Variants in GPR158 observed in about 807,000 individuals in gnomAD.
GPR158 encodes metabotropic glycine receptor.
A neutral mutation model predicts 78.2 loss-of-function variants in GPR158; 30 were observed. The observed-to-expected ratio is 0.38, with a 90% CI of 0.29 to 0.52. The LOEUF (loss-of-function observed/expected upper bound fraction) is 0.52, where lower values mean the gene tolerates loss of function less well. Among genes scored for constraint, GPR158 ranks in the 20% least tolerant of loss-of-function variants. GPR158 has a pLI of 0.83. For synonymous variants in GPR158, 581 were observed against 591.1 expected (o/e 0.98, Z 0.25); for missense variants, 1,463 against 1,523.5 (o/e 0.96, Z 0.66).
chr10:25,598,327 A>G lies in GPR158; in HGVS notation c.2701A>G (p.Lys901Glu). ...TGHPRTSMLQ[K>E]SLSVIASAKE... Reference sequence around the variant, plus strand: ...GCACCCACGAACATCGATGTTACAGAAGTCTCTCAGTGTCATAGCAAGCGC... The same window carrying G: ...GCACCCACGAACATCGATGTTACAGGAGTCTCTCAGTGTCATAGCAAGCGC... Residue 901 changes from lysine (K) to glutamate (E), a missense_variant, in exon 11 of 11, where the codon AAG (lysine) becomes GAG (glutamate). Lys to Glu is a moderately conservative substitution (Grantham distance 56). Coordinates refer to ENST00000376351, the MANE Select transcript of GPR158 (RefSeq NM_020752.3). The G allele has an allele frequency of 1.9e-6, 3 of 1,614,094 alleles. No individual in the cohort carries two copies. Among genetic ancestry groups the G allele is most frequent in the Non-Finnish European group, 2.5e-6 (3 of 1,180,008 alleles).
chr10:25,453,726 A>G (rs894705267), intron 4 of GPR158, among the ~76,000 whole-genome samples: 1 of 152,210 alleles, frequency 6.6e-6, no homozygotes, highest in African/African-American at 2.4e-5. Flanking sequence ...TTTATCAAAA[A>G]TCAATTGACC....
intron 2 of GPR158, among the ~76,000 whole-genome samples, chr10:25,316,236 G>C (rs1264275244): frequency 5.9e-5 from 9 of 152,072 alleles, no homozygotes; most frequent in Admixed American, 5.9e-4. Context: ...AATTTACCCA[G>C]GTATCTGGTA....
At chr10:25,335,073 G>A (rs1465037751) in intron 2 of GPR158, among the ~76,000 whole-genome samples, 1 of 151,982 alleles carries the variant, frequency 6.6e-6, no homozygotes, top group Non-Finnish European at 1.5e-5. Flanking sequence ...GCTACTGGGA[G>A]ACCCCATGTG....
chr10:25,318,542 G>A lies in GPR158; in HGVS notation c.1009-77369G>A, dbSNP rs117601311. Among the ~76,000 whole-genome samples the A allele has an allele frequency of 5.2e-3, 784 of 151,878 alleles. 5 individuals carry two copies. The highest frequency in any genetic ancestry group is 7.6e-3 in the Non-Finnish European group (516 of 67,960). ...TGGCTTCTTGTCTTTCAAGGCTTAG[G>A]GCAGGGTGTTAGAAACAAATCTACT... On this transcript the variant is annotated intron_variant, in intron 2 of 10. Coordinates refer to ENST00000376351, the MANE Select transcript of GPR158 (RefSeq NM_020752.3).
chr10:25,421,387 T>G (rs532153902), intron 4 of GPR158, among the ~76,000 whole-genome samples: 1 of 152,320 alleles, frequency 6.6e-6, no homozygotes, highest in Non-Finnish European at 1.5e-5. Flanking sequence ...GGAAGTATGG[T>G]ATAATATGTG....
At chr10:25,523,157 G>C (rs564131864) in intron 5 of GPR158, among the ~76,000 whole-genome samples, 2 of 152,176 alleles carry the variant, frequency 1.3e-5, no homozygotes, top group Non-Finnish European at 2.9e-5. Context: ...ATGGCACCAT[G>C]CACAAGGGTC....
At chr10:25,554,668 C>T (rs934669169) in intron 6 of GPR158, among the ~76,000 whole-genome samples, 2 of 152,044 alleles carry the variant, frequency 1.3e-5, no homozygotes, top group Non-Finnish European at 2.9e-5. Context: ...GTCATATGGC[C>T]AAAGACTACT....
At chr10:25,425,423 A>G (rs895488103) in intron 4 of GPR158, among the ~76,000 whole-genome samples, 3 of 152,050 alleles carry the variant, frequency 2.0e-5, no homozygotes, top group Non-Finnish European at 4.4e-5. Context: ...TTCCCTGATA[A>G]TTAGTGATGT....
At chr10:25,276,396 T>G (rs946774616) in intron 2 of GPR158, among the ~76,000 whole-genome samples, 1 of 152,214 alleles carries the variant, frequency 6.6e-6, no homozygotes, top group Non-Finnish European at 1.5e-5. Flanking sequence ...TTAATGGTTG[T>G]TGGATATGCT....
intron 2 of GPR158, among the ~76,000 whole-genome samples, chr10:25,273,149 A>G (rs1854138822): frequency 2.0e-5 from 3 of 152,296 alleles, no homozygotes; most frequent in Admixed American, 1.3e-4. Context: ...CACATCAGCT[A>G]TGTCCTTCCA....
At chr10:25,413,126 G>C (rs1452373275) in intron 4 of GPR158, among the ~76,000 whole-genome samples, 1 of 152,026 alleles carries the variant, frequency 6.6e-6, no homozygotes, top group African/African-American at 2.4e-5. Context: ...TTTGAGACCA[G>C]CCTGACCAAC....
chr10:25,383,026 G>A (rs1834176834), intron 2 of GPR158, among the ~76,000 whole-genome samples: 1 of 151,826 alleles, frequency 6.6e-6, no homozygotes, highest in Non-Finnish European at 1.5e-5. Flanking sequence ...TAGTAGAGAT[G>A]GGCTTTCACT....
At chr10:25,178,839 G>A (rs1466614849) in intron 1 of GPR158, among the ~76,000 whole-genome samples, 1 of 152,188 alleles carries the variant, frequency 6.6e-6, no homozygotes, top group Non-Finnish European at 1.5e-5. Context: ...CTATAAAGTG[G>A]CTTGTCCAAA....
At chr10:25,448,173 C>T (rs1439374136) in intron 4 of GPR158, among the ~76,000 whole-genome samples, 1 of 150,660 alleles carries the variant, frequency 6.6e-6, no homozygotes, top group African/African-American at 2.5e-5. Context: ...CAAGCTCTGC[C>T]TCCCAGGTTC....
At chr10:25,476,856 G>A (rs1835592969) in intron 5 of GPR158, among the ~76,000 whole-genome samples, 1 of 152,114 alleles carries the variant, frequency 6.6e-6, no homozygotes, top group Admixed American at 6.6e-5. Flanking sequence ...GAGGATGACT[G>A]AAACCAGGAA....
At chr10:25,375,311 C>G (rs1243074431) in intron 2 of GPR158, among the ~76,000 whole-genome samples, 1 of 151,494 alleles carries the variant, frequency 6.6e-6, no homozygotes, top group East Asian at 1.9e-4. Context: ...CATCATTTCT[C>G]CCAACCCATA....
At chr10:25,397,684 T>G (rs1038028630) in intron 3 of GPR158, among the ~76,000 whole-genome samples, 1 of 152,214 alleles carries the variant, frequency 6.6e-6, no homozygotes, top group Non-Finnish European at 1.5e-5. Flanking sequence ...CCGCCGCATA[T>G]TTCAGAGTTT....
At chr10:25,319,232 A>G (rs1854908454) in intron 2 of GPR158, among the ~76,000 whole-genome samples, 1 of 152,060 alleles carries the variant, frequency 6.6e-6, no homozygotes, top group Non-Finnish European at 1.5e-5. Flanking sequence ...CTGACCTCTA[A>G]TCTAGAGTAG....
At chr10:25,281,250 G>A (rs185333839) in intron 2 of GPR158, among the ~76,000 whole-genome samples, 339 of 150,988 alleles carry the variant, frequency 2.2e-3, no homozygotes, top group African/African-American at 7.9e-3. Context: ...GAAAAAAAAA[G>A]AAATCAAAAT....
Sources: allele counts gnomAD v4.1 joint callset (sites outside exome capture counted in the v4.1 genomes callset), GRCh38; gene constraint gnomAD v4.1.1; transcripts MANE v1.5; gene names NCBI Gene and HGNC (gene_info 2026-07-23, HGNC 2026-07-21).